The following MYH10 variants were observed in gnomAD, a reference collection of about 807,000 sequenced individuals.
MYH10 encodes myosin heavy chain 10.
A neutral mutation model predicts 257.8 loss-of-function variants in MYH10; 55 were observed. The ratio of observed to expected loss-of-function variants is 0.21; its 90% CI spans 0.17 to 0.27. The LOEUF is 0.27. MYH10 is among the 10% of genes least tolerant of loss of function. The pLI, the probability that MYH10 is intolerant of heterozygous loss-of-function variation, is 1.00. For missense variants in MYH10, 1,631 were observed against 2,500.6 expected, an observed-to-expected ratio of 0.65 and a Z score of 7.42; for synonymous variants, 854 against 921.7, an observed-to-expected ratio of 0.93 and a Z score of 1.33.
In MYH10 at chr17:8,493,810, T is replaced by A; in HGVS notation, c.4132A>T (p.Ser1378Cys). The change falls in exon 32 of 43, where the codon AGT becomes TGT. Residue 1378 changes from serine (S) to cysteine (C), a missense_variant. Physicochemically the swap from Ser to Cys is moderately radical, Grantham distance 112. Transcript: ENST00000360416. ...RIRQLEEEKN[S>C]LQEQQEEEEE... is the part of the protein sequence containing the mutation. ...TCCTCCTCCTGCTGCTCCTGAAGAC[T>A]GTTCTTCTCCTCTTCCAGCTGCCGG... 1 of 1,614,028 alleles carries A rather than the reference T, an allele frequency of 6.2e-7. No individual in the cohort carries two copies. Among genetic ancestry groups the A allele is most frequent in the Non-Finnish European group, 8.5e-7 (1 of 1,179,964 alleles).
At chr17:8,527,298 G>A (rs570845086) in intron 17 of MYH10, among the ~76,000 whole-genome samples, 1 of 152,278 alleles carries the variant, frequency 6.6e-6, no homozygotes, top group African/African-American at 2.4e-5. Flanking sequence ...ATGATTTAAG[G>A]AGAAAGCAAT....
chr17:8,553,891 C>T, intron 8 of MYH10, 64 bp downstream of exon 8: 3 of 1,342,082 alleles, frequency 2.2e-6, no homozygotes, highest in Non-Finnish European at 3.2e-6. Context: ...AGACGGTTGC[C>T]ATGGGGTTGT....
chr17:8,491,032 T>A (rs1915683979), intron 34 of MYH10, among the ~76,000 whole-genome samples: 2 of 152,234 alleles, frequency 1.3e-5, no homozygotes, highest in Admixed American at 1.3e-4. Context: ...TACACAGGCC[T>A]TGATCTTTCT....
intron 21 of MYH10, among the ~76,000 whole-genome samples, chr17:8,518,104 CGTGT>C (rs58352961): frequency 0.28 from 32,758 of 116,370 alleles, 4,545 homozygotes; most frequent in Non-Finnish European, 0.31. Context: ...CCCTTGGCCC[CGTGT>C]GTGTGTGTGT....
At position 8,569,834 on chromosome 17, in the gene MYH10, C is replaced by G; in HGVS notation, c.664-22G>C. ...CCCCCTAAAAGACATTACACACACA[C>G]AAATAAAAGCAGATGTACGTTAATC... On this transcript the variant is annotated intron_variant, in intron 6 of 42. Transcript: ENST00000360416. The surrounding 1 kb of genome is among the most constrained non-coding windows in gnomAD (Gnocchi z 4.1). 1 of 1,540,784 alleles carries G rather than the reference C, an allele frequency of 6.5e-7. No individual in the cohort carries two copies. The highest frequency in any genetic ancestry group is 1.4e-5 in the African/African-American group (1 of 73,082).
At chr17:8,561,184 G>A (rs1344415972) in intron 7 of MYH10, 4 of 687,106 alleles carry the variant, frequency 5.8e-6, no homozygotes, top group South Asian at 1.6e-5. Flanking sequence ...AGAAATGGGA[G>A]AAAATTAAGA....
At chr17:8,573,064 C>T (rs1376400852) in intron 6 of MYH10, among the ~76,000 whole-genome samples, 1 of 152,084 alleles carries the variant, frequency 6.6e-6, no homozygotes, top group African/African-American at 2.4e-5. Flanking sequence ...AACAAGCAGC[C>T]TTAGCTATTG....
In MYH10 at chr17:8,485,801, A is replaced by T. The variant is rs147267230; in HGVS notation, c.5047-1535T>A. Among the ~76,000 whole-genome samples the T allele has an allele frequency of 4.0e-3, 612 of 152,326 alleles. 2 individuals are homozygous for T. Among genetic ancestry groups the T allele is most frequent in the African/African-American group, 0.014 (580 of 41,572 alleles). Reference sequence around the variant, plus strand: ...TCAAAGTTAAACACAGAGGTACCATATAACCCAGCTCAATTCCACTCCTAG... The same window carrying T: ...TCAAAGTTAAACACAGAGGTACCATTTAACCCAGCTCAATTCCACTCCTAG... On this transcript the variant is annotated intron_variant, in intron 36 of 42. Transcript: ENST00000360416.
chr17:8,577,271 A>C lies in MYH10; in HGVS notation c.598T>G (p.Ser200Ala). 1 of 1,612,620 alleles carries C rather than the reference A, an allele frequency of 6.2e-7. No homozygotes were observed. The highest frequency in any genetic ancestry group is 8.5e-7 in the Non-Finnish European group (1 of 1,178,996). ...TGGTCCTTTCTTCCTTTATGTGAAGAAGCAACATGGGCAAGGTACTGAATA... is the reference window on the plus strand; with the variant it reads ...TGGTCCTTTCTTCCTTTATGTGAAGCAGCAACATGGGCAAGGTACTGAATA... ...KVIQYLAHVA[S>A]SHKGRKDHNI... Residue 200 changes from serine (S) to alanine (A), a missense_variant, in exon 5 of 43, where the codon TCT becomes GCT. Coordinates refer to ENST00000360416, the MANE Select transcript of MYH10 (RefSeq NM_001256012.3).
Position 8,513,612 on chromosome 17 carries a change from C to T in MYH10, c.2671G>A (p.Glu891Lys). The change falls in exon 23 of 43, where the codon GAG becomes AAG. Residue 891 changes from glutamate to lysine, a missense_variant. Glu to Lys is a moderately conservative substitution (Grantham distance 56). This residue lies in a region of MYH10 where 116 missense variants were observed against 221.6 expected (regional missense o/e 0.52). Coordinates refer to ENST00000360416, the MANE Select transcript of MYH10 (RefSeq NM_001256012.3). Reference sequence around the variant, plus strand: ...TGCTTCTCCTTCACCTTCAACAGCTCTTCATCTTTGGCCTGAAGTTCTTCC... The same window carrying T: ...TGCTTCTCCTTCACCTTCAACAGCTTTTCATCTTTGGCCTGAAGTTCTTCC... Reference protein sequence around the residue: ...QEEELQAKDEELLKVKEKQTK... With the variant: ...QEEELQAKDEKLLKVKEKQTK... The T allele has an allele frequency of 6.2e-7, 1 of 1,614,176 alleles. No homozygotes were observed. Among genetic ancestry groups the T allele is most frequent in the Non-Finnish European group, 8.5e-7 (1 of 1,180,044 alleles).
intron 1 of MYH10, among the ~76,000 whole-genome samples, chr17:8,627,331 G>T (rs568747281): frequency 2.0e-5 from 3 of 152,190 alleles, no homozygotes; most frequent in Non-Finnish European, 2.9e-5. Context: ...CAATATTTAC[G>T]TGAATGGTCC....
Position 8,552,086 on chromosome 17 carries a change from G to T in MYH10, c.879C>A (p.Ile293=). ...RQAKDERTFH[I]FYQLLSGAGE... ...CTGCTCCAGATAACAACTGGTAAAA[G>T]ATATGAAAAGTACGTTCATCTTTTG... Residue 293 remains isoleucine (I), a synonymous_variant, in exon 9 of 43, where the codon ATC becomes ATA. Coordinates refer to ENST00000360416, the MANE Select transcript of MYH10 (RefSeq NM_001256012.3). The surrounding 1 kb of genome is among the most constrained non-coding windows in gnomAD (Gnocchi z 4.8). 6.4e-7 allele frequency: 1 copy of T among 1,563,206 alleles called. No homozygotes were observed. Among genetic ancestry groups the T allele is most frequent in the Non-Finnish European group, 8.7e-7 (1 of 1,150,294 alleles).
In MYH10 at chr17:8,552,157, A is replaced by C; in HGVS notation, c.821-13T>G. On this transcript the variant is annotated splice_polypyrimidine_tract_variant and intron_variant, in intron 8 of 42. Coordinates refer to ENST00000360416, the MANE Select transcript of MYH10 (RefSeq NM_001256012.3). This position sits in a 1 kb window ranked among gnomAD's most constrained non-coding sequence, Gnocchi z 4.8. ...TTTTCCAGAAGGTCTGAGCAAAGACAGTTAAGAATTAAATTATTTAATATA... is the reference window on the plus strand; with the variant it reads ...TTTTCCAGAAGGTCTGAGCAAAGACCGTTAAGAATTAAATTATTTAATATA... The C allele has an allele frequency of 7.1e-7, 1 of 1,417,416 alleles. No homozygotes were observed. The allele number at this position is 1,417,416 out of a possible 1,614,324, so 87.8% of individuals were successfully genotyped here.
At chr17:8,582,586 G>C (rs2083749492) in intron 4 of MYH10, among the ~76,000 whole-genome samples, 1 of 152,218 alleles carries the variant, frequency 6.6e-6, no homozygotes, top group Non-Finnish European at 1.5e-5. Context: ...GAGGTGTCCT[G>C]CATCTGTTGA....
chr17:8,588,084 G>A (rs1944074325), intron 4 of MYH10, among the ~76,000 whole-genome samples: 1 of 151,998 alleles, frequency 6.6e-6, no homozygotes, highest in African/African-American at 2.4e-5. Flanking sequence ...GCCTCCTCAT[G>A]CCCCTATGAT....
At chr17:8,564,863 G>A (rs1389973142) in intron 7 of MYH10, among the ~76,000 whole-genome samples, 3 of 152,122 alleles carry the variant, frequency 2.0e-5, no homozygotes, top group Non-Finnish European at 4.4e-5. Context: ...ACAGGATACT[G>A]TGATAGAGAA....
intron 3 of MYH10, among the ~76,000 whole-genome samples, chr17:8,597,234 G>A (rs751662866): frequency 2.0e-5 from 3 of 151,818 alleles, no homozygotes; most frequent in Non-Finnish European, 4.4e-5. Flanking sequence ...CTTCTATCAG[G>A]AAGATATGGG....
intron 9 of MYH10, among the ~76,000 whole-genome samples, chr17:8,551,455 G>A (rs1298566828): frequency 6.6e-6 from 1 of 152,104 alleles, no homozygotes; most frequent in South Asian, 2.1e-4. Context: ...TAATAATCAT[G>A]CAGAAACACT....
chr17:8,477,172 T>C lies in MYH10; in HGVS notation c.5707-124A>G, dbSNP rs985671544. Reference sequence around the variant, plus strand: ...CCTTGTGAGCACGCGTGTACACGGATGTACACGCGTGCCTGGGGGCTGGTC... The same window carrying C: ...CCTTGTGAGCACGCGTGTACACGGACGTACACGCGTGCCTGGGGGCTGGTC... On this transcript the variant is annotated intron_variant, in intron 41 of 42. Coordinates refer to ENST00000360416, the MANE Select transcript of MYH10 (RefSeq NM_001256012.3). The surrounding 1 kb of genome is among the most constrained non-coding windows in gnomAD (Gnocchi z 4.2). The C allele has an allele frequency of 1.3e-4, 131 of 1,008,494 alleles. No homozygotes were observed. The highest frequency in any genetic ancestry group is 1.8e-4 in the Non-Finnish European group (128 of 701,072). The allele number at this position is 1,008,494 out of a possible 1,614,324, so 62.5% of individuals were successfully genotyped here. A position where few individuals can be genotyped will look rare whatever the true frequency, so the allele number is the denominator to read the frequency against.
Sources: allele counts gnomAD v4.1 joint callset (sites outside exome capture counted in the v4.1 genomes callset), GRCh38; gene constraint gnomAD v4.1.1; regional missense constraint gnomAD v4.1.1; non-coding constraint Gnocchi (gnomAD v3.1); transcripts MANE v1.5; gene names NCBI Gene and HGNC (gene_info 2026-07-23, HGNC 2026-07-21).